The following EPHA6 variants were observed in gnomAD, a reference collection of about 807,000 sequenced individuals.
EPHA6 encodes EPH receptor A6.
Under a neutral mutation model 112.0 loss-of-function variants are expected in EPHA6, and 50 were observed. The observed-to-expected ratio is 0.45, with a 90% CI of 0.36 to 0.56. The LOEUF (loss-of-function observed/expected upper bound fraction) is 0.56. Ranked by LOEUF, EPHA6 falls within the 20% of genes least tolerant of loss-of-function variation. The probability of loss-of-function intolerance (pLI) is 0.00; values close to 1 mark genes in which losing one functional copy is unlikely to be tolerated. For synonymous variants in EPHA6, 529 were observed against 490.7 expected (o/e 1.08, Z -1.03); for missense variants, 1,280 against 1,417.4 (o/e 0.90, Z 1.56).
chr3:97,062,350 A>G (rs1243886417), intron 3 of EPHA6, among the ~76,000 whole-genome samples: 2 of 152,048 alleles, frequency 1.3e-5, no homozygotes, highest in Non-Finnish European at 2.9e-5. Flanking sequence ...AGATGACTAA[A>G]TAGCAGAAGG....
intron 2 of EPHA6, among the ~76,000 whole-genome samples, chr3:96,955,143 A>G (rs1194649108): frequency 6.6e-6 from 1 of 152,180 alleles, no homozygotes; most frequent in Non-Finnish European, 1.5e-5. Flanking sequence ...GTGCTCAGTG[A>G]ACATTCTTGT....
At chr3:97,247,862 A>G (rs2079028175) in intron 5 of EPHA6, among the ~76,000 whole-genome samples, 2 of 151,966 alleles carry the variant, frequency 1.3e-5, no homozygotes, top group African/African-American at 4.8e-5. Flanking sequence ...GTATGGAAAA[A>G]ATATTAGAGA....
chr3:97,229,157 T>G (rs977384787), intron 4 of EPHA6, among the ~76,000 whole-genome samples: 2 of 152,154 alleles, frequency 1.3e-5, no homozygotes, highest in Non-Finnish European at 2.9e-5. Context: ...TTCCTCCTGC[T>G]CTGTGGGTTG....
At chr3:97,458,035 T>TCCA (rs2090754335) in intron 7 of EPHA6, among the ~76,000 whole-genome samples, 1 of 113,164 alleles carries the variant, frequency 8.8e-6, no homozygotes. Context: ...GCCACTGCAC[T>TCCA]CCAGCCTGGG....
chr3:97,715,709 G>T (rs2034186403), intron 14 of EPHA6, among the ~76,000 whole-genome samples: 1 of 152,138 alleles, frequency 6.6e-6, no homozygotes, highest in African/African-American at 2.4e-5. Context: ...TAATACTCAG[G>T]TGTTAAATGC....
At position 97,728,821 on chromosome 3, in the gene EPHA6, G is replaced by A. The variant is rs543006165; in HGVS notation, c.2935-7104G>A. Among the ~76,000 whole-genome samples, 139 of 152,216 alleles carry A rather than the reference G, an allele frequency of 9.1e-4. No homozygotes were observed. In the Middle Eastern group the frequency reaches 0.014, roughly 15 times the overall value. On this transcript the variant is annotated intron_variant, in intron 15 of 17. Transcript: ENST00000389672. The stretch of plus-strand genomic sequence containing the variant: ...TTTCCATGACTTACAAACTGAATGA[G>A]ACTTTAAACTGTTAGCAACAAAGAT...
chr3:97,507,799 T>C (rs1346266921), intron 10 of EPHA6, among the ~76,000 whole-genome samples: 1 of 152,112 alleles, frequency 6.6e-6, no homozygotes, highest in Non-Finnish European at 1.5e-5. Context: ...TCCTGGGCTT[T>C]TTTTTTGATA....
At chr3:97,254,740 G>A (rs144437316) in intron 5 of EPHA6, among the ~76,000 whole-genome samples, 1 of 152,242 alleles carries the variant, frequency 6.6e-6, no homozygotes, top group East Asian at 1.9e-4. Flanking sequence ...AGATTTCTAA[G>A]AAATATTTTT....
chr3:97,279,693 G>T (rs2108659566), intron 5 of EPHA6, among the ~76,000 whole-genome samples: 1 of 152,218 alleles, frequency 6.6e-6, no homozygotes, highest in African/African-American at 2.4e-5. Context: ...ATATAGAAAA[G>T]ATTATATGTT....
At chr3:97,415,974 T>A (rs902720604) in intron 6 of EPHA6, among the ~76,000 whole-genome samples, 3 of 152,102 alleles carry the variant, frequency 2.0e-5, no homozygotes, top group Non-Finnish European at 4.4e-5. Flanking sequence ...ATATTGTTTG[T>A]TGTCAAAATA....
intron 2 of EPHA6, among the ~76,000 whole-genome samples, chr3:96,955,215 T>C (rs577920188): frequency 6.6e-6 from 1 of 152,234 alleles, no homozygotes; most frequent in South Asian, 2.1e-4. Flanking sequence ...ATATGAAAAT[T>C]TTAAATTTGA....
intron 1 of EPHA6, among the ~76,000 whole-genome samples, chr3:96,821,385 G>T (rs2107220092): frequency 6.6e-6 from 1 of 151,866 alleles, no homozygotes; most frequent in African/African-American, 2.4e-5. Flanking sequence ...TTACTTTAGT[G>T]CTTTAGAATG....
At chr3:97,110,248 A>G (rs1260159310) in intron 3 of EPHA6, among the ~76,000 whole-genome samples, 1 of 152,078 alleles carries the variant, frequency 6.6e-6, no homozygotes, top group South Asian at 2.1e-4. Flanking sequence ...AAACATGGTA[A>G]TGATAGGGCC....
rs561602490 is a variant in EPHA6, at chr3:97,583,538, C to CA, written c.2387-9061dup. ...TGGGTGACAGAGCAAGACTCTGTCT[C>CA]AAAAAAAAAAAAAGAAAGAAATACT... On this transcript the variant is annotated intron_variant, in intron 11 of 17. Coordinates refer to ENST00000389672, the MANE Select transcript of EPHA6 (RefSeq NM_001080448.3). Among the ~76,000 whole-genome samples, 518 of 97,254 alleles carry CA rather than the reference C, an allele frequency of 5.3e-3. 2 individuals are homozygous for CA. Among genetic ancestry groups the CA allele is most frequent in the African/African-American group, 0.014 (348 of 25,284 alleles). 63.8% of individuals were successfully genotyped at this position (97,254 alleles called of 152,430 possible). A position where few individuals can be genotyped will look rare whatever the true frequency, so the allele number is the denominator to read the frequency against.
chr3:97,105,994 T>G (rs1308687208), intron 3 of EPHA6, among the ~76,000 whole-genome samples: 2 of 152,136 alleles, frequency 1.3e-5, no homozygotes, highest in Non-Finnish European at 2.9e-5. Flanking sequence ...TGATTTCCGT[T>G]TGCTTGGCAG....
chr3:97,236,602 C>A (rs1269334818), intron 4 of EPHA6, among the ~76,000 whole-genome samples: 1 of 152,032 alleles, frequency 6.6e-6, no homozygotes, highest in African/African-American at 2.4e-5. Flanking sequence ...TCTAAATATA[C>A]AATCAAACAA....
intron 3 of EPHA6, among the ~76,000 whole-genome samples, chr3:96,994,448 C>T (rs917414709): frequency 6.6e-6 from 1 of 151,878 alleles, no homozygotes; most frequent in African/African-American, 2.4e-5. Flanking sequence ...TGCTAATTTA[C>T]ATCAAATGGT....
intron 14 of EPHA6, among the ~76,000 whole-genome samples, chr3:97,668,505 C>G (rs2107652123): frequency 6.6e-6 from 1 of 152,278 alleles, no homozygotes; most frequent in South Asian, 2.1e-4. Context: ...CTGGATTTCT[C>G]TAACCTGATT....
At chr3:97,231,835 A>T (rs1312427452) in intron 4 of EPHA6, among the ~76,000 whole-genome samples, 1 of 152,188 alleles carries the variant, frequency 6.6e-6, no homozygotes, top group Non-Finnish European at 1.5e-5. Context: ...GATGACTTAT[A>T]GTCGTTTCTT....
Sources: gnomAD v4.1 joint callset for allele counts (sites outside exome capture counted in the v4.1 genomes callset) on GRCh38, gnomAD v4.1.1 for gene constraint, MANE v1.5 for transcripts, NCBI Gene and HGNC (gene_info 2026-07-23, HGNC 2026-07-21) for gene names.